SCD5: variants seen among roughly 807,000 people sequenced by gnomAD.
The protein encoded by SCD5 is stearoyl-CoA desaturase 5.
A neutral mutation model predicts 30.4 loss-of-function variants in SCD5; 20 were observed. The ratio of observed to expected loss-of-function variants is 0.66; its 90% CI spans 0.46 to 0.96. SCD5 has a LOEUF of 0.96. SCD5 is among the 40% of genes least tolerant of loss of function. The pLI is 0.00. For synonymous variants in SCD5, 173 were observed against 176.4 expected (o/e 0.98, Z 0.16); for missense variants, 381 against 443.3 (o/e 0.86, Z 1.26).
intron 1 of SCD5, among the ~76,000 whole-genome samples, chr4:82,726,558 GTT>G (rs11382675): frequency 1.4e-5 from 2 of 146,544 alleles, no homozygotes; most frequent in Middle Eastern, 3.5e-3. Context: ...GAAAGCAGCT[GTT>G]TTTTTTTTTT....
intron 1 of SCD5, among the ~76,000 whole-genome samples, chr4:82,798,087 G>C (rs1342402832): frequency 1.3e-4 from 2 of 15,738 alleles, no homozygotes; most frequent in African/African-American, 1.0e-4. Context: ...GGGTGGGGGC[G>C]GGGGGGGGGC....
chr4:82,673,234 T>C (rs1273835831), intron 3 of SCD5, among the ~76,000 whole-genome samples: 2 of 141,538 alleles, frequency 1.4e-5, no homozygotes, highest in African/African-American at 2.8e-5. Flanking sequence ...TCTTTGTTTG[T>C]AGATGATGTG....
chr4:82,644,680 C>A (rs1727604012), intron 3 of SCD5, among the ~76,000 whole-genome samples: 1 of 152,170 alleles, frequency 6.6e-6, no homozygotes, highest in African/African-American at 2.4e-5. Flanking sequence ...CTTTTGGGTT[C>A]TTCATAAGAT....
intron 1 of SCD5, among the ~76,000 whole-genome samples, chr4:82,784,479 T>C (rs1331642217): frequency 6.6e-6 from 1 of 152,222 alleles, no homozygotes; most frequent in Non-Finnish European, 1.5e-5. Flanking sequence ...TCTCTGATGA[T>C]AAAATTAATA....
chr4:82,699,785 C>G (rs143482490), intron 2 of SCD5, among the ~76,000 whole-genome samples: 1,761 of 152,074 alleles, frequency 0.012, 38 homozygotes, highest in African/African-American at 0.04. Context: ...CCTCAGCCTC[C>G]CAAGTAGCTG....
chr4:82,777,091 C>T (rs886075880), intron 1 of SCD5, among the ~76,000 whole-genome samples: 9 of 152,324 alleles, frequency 5.9e-5, no homozygotes, highest in Admixed American at 2.6e-4. Context: ...GAGAGCTCTC[C>T]TTTTAGCTCC....
chr4:82,727,831 C>A (rs1464162748), intron 1 of SCD5, among the ~76,000 whole-genome samples: 1 of 152,216 alleles, frequency 6.6e-6, no homozygotes, highest in Non-Finnish European at 1.5e-5. Context: ...CCTCAGCCTA[C>A]CGAGTAGCTG....
chr4:82,697,944 CA>C (rs1719731187), intron 2 of SCD5: 2 of 453,508 alleles, frequency 4.4e-6, no homozygotes, highest in African/African-American at 4.0e-5. Context: ...TCATGACTTC[CA>C]AATGTTCCAA....
chr4:82,712,312 A>T (rs28643345), intron 1 of SCD5, among the ~76,000 whole-genome samples: 1,086 of 22,316 alleles, frequency 0.049, 179 homozygotes, highest in African/African-American at 0.081. Context: ...TTTTTATTTT[A>T]TTTTTTTTTT....
At chr4:82,745,499 G>C (rs1051286147) in intron 1 of SCD5, among the ~76,000 whole-genome samples, 2 of 152,172 alleles carry the variant, frequency 1.3e-5, no homozygotes, top group Non-Finnish European at 2.9e-5. Context: ...CTAACCCAAT[G>C]TTTGTTTGTT....
In SCD5 at chr4:82,672,596, A is replaced by T. The variant is rs527985509; in HGVS notation, c.569+8111T>A. On this transcript the variant is annotated intron_variant, in intron 3 of 4. Coordinates refer to ENST00000319540, the MANE Select transcript of SCD5 (RefSeq NM_001037582.3). ...AGGCCAAGATGGTTCTATTTTGGTG[A>T]ATTCGACCATATATTTAATTCTCTA... Among the ~76,000 whole-genome samples the T allele has an allele frequency of 8.6e-4, 131 of 152,200 alleles. 1 individual carries two copies. The highest frequency in any genetic ancestry group is 3.5e-3 in the South Asian group (17 of 4,824).
At chr4:82,737,395 T>C (rs566677987) in intron 1 of SCD5, among the ~76,000 whole-genome samples, 77 of 152,220 alleles carry the variant, frequency 5.1e-4, no homozygotes, top group Non-Finnish European at 9.4e-4. Flanking sequence ...ATTCTGGATG[T>C]TAATTTTTTT....
intron 3 of SCD5, among the ~76,000 whole-genome samples, chr4:82,654,532 G>A (rs910664316): frequency 2.6e-5 from 4 of 152,050 alleles, no homozygotes; most frequent in African/African-American, 7.2e-5. Flanking sequence ...TTTTGAAGGC[G>A]TGAAAGCATT....
chr4:82,696,417 A>G (rs142662181), intron 2 of SCD5, among the ~76,000 whole-genome samples: 18 of 152,318 alleles, frequency 1.2e-4, no homozygotes, highest in African/African-American at 3.8e-4. Flanking sequence ...AAAACAATTC[A>G]ATATCTAATA....
At chr4:82,675,451 T>G (rs1171454040) in intron 3 of SCD5, among the ~76,000 whole-genome samples, 2 of 152,204 alleles carry the variant, frequency 1.3e-5, no homozygotes, top group Non-Finnish European at 2.9e-5. Context: ...AGTGCCTTTC[T>G]TCCTGGAATG....
chr4:82,732,685 T>C (rs997178091), intron 1 of SCD5, among the ~76,000 whole-genome samples: 11 of 152,184 alleles, frequency 7.2e-5, no homozygotes, highest in African/African-American at 2.7e-4. Flanking sequence ...ACAGTATTCA[T>C]TGAAAGGAGT....
intron 1 of SCD5, among the ~76,000 whole-genome samples, chr4:82,718,289 T>C (rs1316669759): frequency 6.6e-6 from 1 of 151,758 alleles, no homozygotes; most frequent in Non-Finnish European, 1.5e-5. Flanking sequence ...TAGGCATCAC[T>C]GTTGCTTTTA....
At chr4:82,680,629 G>T in intron 3 of SCD5, 78 bp downstream of exon 3, 2 of 1,311,864 alleles carry the variant, frequency 1.5e-6, no homozygotes, top group Non-Finnish European at 2.2e-6. Context: ...ACGCTATGGG[G>T]TTATGAGTCC....
intron 3 of SCD5, among the ~76,000 whole-genome samples, chr4:82,675,456 G>C (rs1262164081): frequency 6.6e-6 from 1 of 152,100 alleles, no homozygotes; most frequent in Admixed American, 6.6e-5. Context: ...CTTTCTTCCT[G>C]GAATGGCAAT....
Sources: gnomAD v4.1 joint callset for allele counts (sites outside exome capture counted in the v4.1 genomes callset) on GRCh38, gnomAD v4.1.1 for gene constraint, MANE v1.5 for transcripts, NCBI Gene and HGNC (gene_info 2026-07-23, HGNC 2026-07-21) for gene names.